The following ZFHX3 variants were observed in gnomAD, a reference collection of about 807,000 sequenced individuals.
ZFHX3 encodes the protein zinc finger homeobox 3.
ZFHX3 carries 42 observed loss-of-function variants against 279.1 expected under a neutral mutation model. The ratio of observed to expected loss-of-function variants is 0.15; its 90% CI spans 0.12 to 0.19. The LOEUF (loss-of-function observed/expected upper bound fraction) is 0.19, where lower values mean the gene tolerates loss of function less well. Ranked by LOEUF, ZFHX3 falls within the 10% of genes least tolerant of loss-of-function variation. The pLI, the probability that ZFHX3 is intolerant of heterozygous loss-of-function variation, is 1.00. For missense variants in ZFHX3, 4,981 were observed against 4,754.0 expected (o/e 1.05, Z -1.40); for synonymous variants, 2,293 against 1,957.8 (o/e 1.17, Z -4.52).
chr16:73,710,252 G>C (rs1451531336), intron 1 of ZFHX3, among the ~76,000 whole-genome samples: 2 of 152,130 alleles, frequency 1.3e-5, no homozygotes, highest in East Asian at 3.9e-4. Context: ...ATTTAAATCA[G>C]AGCCTCCCAT....
intron 4 of ZFHX3, among the ~76,000 whole-genome samples, chr16:72,874,361 C>T (rs1271542274): frequency 6.6e-6 from 1 of 152,038 alleles, no homozygotes; most frequent in African/African-American, 2.4e-5. Flanking sequence ...CACCCGCCAC[C>T]ACACCAGGCT....
chr16:73,109,180 G>A (rs1359973446), intron 7 of ZFHX3, among the ~76,000 whole-genome samples: 1 of 152,222 alleles, frequency 6.6e-6, no homozygotes, highest in Non-Finnish European at 1.5e-5. Flanking sequence ...ACTTTTTCCT[G>A]TGCACATTCA....
At chr16:73,144,569 A>G (rs1966855760) in intron 5 of ZFHX3, 1 of 152,256 alleles carries the variant, frequency 6.6e-6, no homozygotes, top group Non-Finnish European at 1.5e-5. Flanking sequence ...AAGTGGGGAA[A>G]GTGGCAGATT....
intron 5 of ZFHX3, among the ~76,000 whole-genome samples, chr16:73,215,257 C>T (rs985213627): frequency 2.0e-5 from 3 of 152,176 alleles, no homozygotes; most frequent in Non-Finnish European, 4.4e-5. Context: ...CACAGGCCTA[C>T]TTCCATGTTA....
chr16:73,441,477 C>T (rs147936742), intron 3 of ZFHX3, among the ~76,000 whole-genome samples: 156 of 152,276 alleles, frequency 1.0e-3, no homozygotes, highest in African/African-American at 3.6e-3. Flanking sequence ...AATCAATCAA[C>T]AGATGTTCCC....
chr16:73,375,068 C>T (rs1597307118), intron 3 of ZFHX3, among the ~76,000 whole-genome samples: 1 of 151,522 alleles, frequency 6.6e-6, no homozygotes. Flanking sequence ...TTCTCTTCTT[C>T]CTCCTTCTCC....
At chr16:73,003,513 C>CCG (rs1555539730) in intron 1 of ZFHX3, among the ~76,000 whole-genome samples, 1 of 54,846 alleles carries the variant, frequency 1.8e-5, no homozygotes, top group Non-Finnish European at 3.7e-5. Context: ...CATGGTGAGA[C>CCG]CCCCCCCTCC....
At chr16:73,729,906 A>G (rs892795638) in intron 1 of ZFHX3, among the ~76,000 whole-genome samples, 5 of 152,200 alleles carry the variant, frequency 3.3e-5, no homozygotes, top group Admixed American at 2.0e-4. Flanking sequence ...CAGTTAAGTT[A>G]GTGTAAAAAA....
chr16:72,801,411 C>A (rs2036094776), intron 7 of ZFHX3, among the ~76,000 whole-genome samples: 1 of 152,150 alleles, frequency 6.6e-6, no homozygotes, highest in East Asian at 1.9e-4. Context: ...ACGATCCCAG[C>A]CTTGCTCAAA....
At chr16:73,083,648 GC>G (rs1309004714) in intron 8 of ZFHX3, among the ~76,000 whole-genome samples, 2 of 152,206 alleles carry the variant, frequency 1.3e-5, no homozygotes, top group Admixed American at 6.5e-5. Context: ...TCTCACCTCA[GC>G]CTTCTGAGTA....
intron 2 of ZFHX3, among the ~76,000 whole-genome samples, chr16:73,644,093 T>G (rs953752277): frequency 6.6e-6 from 1 of 151,984 alleles, no homozygotes; most frequent in Non-Finnish European, 1.5e-5. Flanking sequence ...ACAAACAACA[T>G]GTCTATTTCT....
chr16:73,400,632 T>C (rs562477112), intron 3 of ZFHX3: 1 of 152,192 alleles, frequency 6.6e-6, no homozygotes, highest in African/African-American at 2.4e-5. Flanking sequence ...CCCCGGCTGC[T>C]CCCGAACATC....
intron 5 of ZFHX3, among the ~76,000 whole-genome samples, chr16:73,151,809 G>A (rs11075968): frequency 0.26 from 39,515 of 151,108 alleles, 5,567 homozygotes; most frequent in Middle Eastern, 0.34. Flanking sequence ...TGACCTTGCC[G>A]GGGGCTACAC....
Position 73,467,869 on chromosome 16 carries a change from C to T in ZFHX3, c.-1546-11611G>A, listed in dbSNP as rs558750670. ...CCAGCTCCTCAGTGCTGTCTGTCTA[C>T]CTTTCTGGGGCTGGGTAACCTGCTA... On this transcript the variant is annotated intron_variant, in intron 2 of 17. Transcript: ENST00000641206. Among the ~76,000 whole-genome samples, 22 of 152,262 alleles carry T rather than the reference C, an allele frequency of 1.4e-4. No individual in the cohort carries two copies. In the East Asian group the frequency reaches 4.3e-3, roughly 29 times the overall value.
chr16:72,811,830 C>T, intron 6 of ZFHX3, 53 bp from the exon 7 acceptor site: 1 of 1,598,178 alleles, frequency 6.3e-7, no homozygotes, highest in South Asian at 1.1e-5. Flanking sequence ...CCAAGCCCGC[C>T]CACCCAAAAG....
rs529149947 is a variant in ZFHX3, at chr16:72,784,169, A to G, written c.*2995T>C. 1 of 152,742 alleles carries G rather than the reference A, an allele frequency of 6.5e-6. No individual in the cohort carries two copies. The highest frequency in any genetic ancestry group is 2.4e-5 in the African/African-American group (1 of 41,538). The allele number at this position is 152,742 out of a possible 1,614,324, so 9.5% of individuals were successfully genotyped here. A position where few individuals can be genotyped will look rare whatever the true frequency, so the allele number is the denominator to read the frequency against. ...CTATTCAACCACCTTATTGTCGCCA[A>G]ACACCCACAGCTCAAGGCATGGCAT... On this transcript the variant is annotated 3_prime_UTR_variant, in exon 10 of 10. Transcript: ENST00000268489.
At chr16:73,004,203 C>T (rs1963617140) in intron 1 of ZFHX3, among the ~76,000 whole-genome samples, 1 of 102,274 alleles carries the variant, frequency 9.8e-6, no homozygotes, top group South Asian at 3.6e-4. Flanking sequence ...ACAGGTATCA[C>T]TATGTTGCCC....
At chr16:72,965,174 T>C (rs1337870174) in intron 1 of ZFHX3, among the ~76,000 whole-genome samples, 1 of 152,208 alleles carries the variant, frequency 6.6e-6, no homozygotes, top group East Asian at 1.9e-4. Flanking sequence ...CCACCGCACC[T>C]GGCCTGTTTT....
intron 3 of ZFHX3, among the ~76,000 whole-genome samples, chr16:73,443,014 C>G (rs1409643538): frequency 6.6e-6 from 1 of 152,064 alleles, no homozygotes; most frequent in Non-Finnish European, 1.5e-5. Context: ...GGATTAGGGC[C>G]CACCCTAACA....
Sources: gnomAD v4.1 joint callset for allele counts (sites outside exome capture counted in the v4.1 genomes callset) on GRCh38, gnomAD v4.1.1 for gene constraint, MANE v1.5 for transcripts, NCBI Gene and HGNC (gene_info 2026-07-23, HGNC 2026-07-21) for gene names.